Variants in PTPN13 observed in about 807,000 individuals in gnomAD.
PTPN13 encodes tyrosine-protein phosphatase non-receptor type 13.
Under a neutral mutation model 284.0 loss-of-function variants are expected in PTPN13, and 191 were observed. That is an observed-to-expected ratio of 0.67 (90% CI 0.60 to 0.76). The LOEUF is 0.76. Ranked by LOEUF, PTPN13 falls within the 30% of genes least tolerant of loss-of-function variation. The pLI is 0.00. For synonymous variants in PTPN13, 986 were observed against 1,022.3 expected (o/e 0.96, Z 0.68); for missense variants, 2,797 against 2,939.9 (o/e 0.95, Z 1.12).
At chr4:86,635,110 G>A in intron 1 of PTPN13, 142 bp from the exon 2 acceptor site, 1 of 913,864 alleles carries the variant, frequency 1.1e-6, no homozygotes, top group East Asian at 2.8e-5. Context: ...GTGAGTTTAA[G>A]ATAACATTTA....
At chr4:86,683,712 C>G (rs1729146388) in intron 3 of PTPN13, among the ~76,000 whole-genome samples, 1 of 152,034 alleles carries the variant, frequency 6.6e-6, no homozygotes, top group Admixed American at 6.6e-5. Context: ...AATTTTATAA[C>G]CTAGTTTTAA....
At chr4:86,805,204 C>A in intron 43 of PTPN13, 75 bp from the exon 44 acceptor site, 1 of 927,876 alleles carries the variant, frequency 1.1e-6, no homozygotes, top group Non-Finnish European at 1.6e-6. Flanking sequence ...TTTGCCCCTA[C>A]ACATTTAAAG....
chr4:86,814,738 A>C lies in PTPN13; in HGVS notation c.*187A>C. 1 of 518,086 alleles carries C rather than the reference A, an allele frequency of 1.9e-6. No homozygotes were observed. The highest frequency in any genetic ancestry group is 3.5e-6 in the Non-Finnish European group (1 of 287,656). The allele number at this position is 518,086 out of a possible 1,614,324, so 32.1% of individuals were successfully genotyped here. ...ATGCTGTATTTTTACAGCTACTTTAACCTATGATAATTATTTACAAAATTT... is the reference window on the plus strand; with the variant it reads ...ATGCTGTATTTTTACAGCTACTTTACCCTATGATAATTATTTACAAAATTT... On this transcript the variant is annotated 3_prime_UTR_variant, in exon 48 of 48. Coordinates refer to ENST00000411767, the MANE Select transcript of PTPN13 (RefSeq NM_080683.3).
intron 7 of PTPN13, among the ~76,000 whole-genome samples, chr4:86,704,848 A>G (rs1173491264): frequency 6.6e-6 from 1 of 152,226 alleles, no homozygotes; most frequent in Non-Finnish European, 1.5e-5. Context: ...TTATTATGGA[A>G]ATACACTACC....
chr4:86,731,483 G>T (rs189202907), intron 10 of PTPN13, among the ~76,000 whole-genome samples: 2 of 152,192 alleles, frequency 1.3e-5, no homozygotes, highest in East Asian at 3.9e-4. Flanking sequence ...CATTGGCAGG[G>T]GTCAGAGACT....
At chr4:86,790,753 C>T (rs943432966) in intron 40 of PTPN13, among the ~76,000 whole-genome samples, 1 of 152,122 alleles carries the variant, frequency 6.6e-6, no homozygotes, top group African/African-American at 2.4e-5. Context: ...TAAAAGTAGA[C>T]AGGGGCCAGA....
At chr4:86,610,433 A>T (rs1765162180) in intron 1 of PTPN13, among the ~76,000 whole-genome samples, 1 of 152,328 alleles carries the variant, frequency 6.6e-6, no homozygotes, top group South Asian at 2.1e-4. Context: ...AGTTTGTTAG[A>T]ATATTATTAT....
chr4:86,662,321 A>G, intron 2 of PTPN13, among the ~76,000 whole-genome samples: 1 of 151,944 alleles, frequency 6.6e-6, no homozygotes, highest in Non-Finnish European at 1.5e-5. Context: ...TTATATTTTT[A>G]TTTCTTATTT....
chr4:86,726,389 A>C lies in PTPN13; in HGVS notation c.1608+3955A>C, dbSNP rs903995774. On this transcript the variant is annotated intron_variant, in intron 10 of 47. Transcript: ENST00000411767. ...TGGTAGTCTGATGGGGATGGTATTG[A>C]ATCTATAAATTACTTTGGGCAGTAT... 1.1e-4 allele frequency among the ~76,000 whole-genome samples: 17 copies of C among 149,268 alleles called. 1 individual carries two copies. The highest frequency in any genetic ancestry group is 6.0e-5 in the Non-Finnish European group (4 of 66,574).
intron 40 of PTPN13, among the ~76,000 whole-genome samples, chr4:86,794,039 C>A (rs376392485): frequency 2.6e-5 from 4 of 152,054 alleles, no homozygotes; most frequent in Non-Finnish European, 5.9e-5. Flanking sequence ...AAAAACCATT[C>A]AAAAAATCAG....
At chr4:86,786,615 A>G (rs1157231264) in intron 40 of PTPN13, among the ~76,000 whole-genome samples, 3 of 152,178 alleles carry the variant, frequency 2.0e-5, no homozygotes, top group Non-Finnish European at 4.4e-5. Context: ...TTTTCTTAAG[A>G]TGCTCTTTCA....
chr4:86,702,374 A>T (rs542976336), intron 7 of PTPN13, among the ~76,000 whole-genome samples: 1 of 152,316 alleles, frequency 6.6e-6, no homozygotes, highest in East Asian at 1.9e-4. Context: ...TTTTAGGTTT[A>T]CAGAGTCAGC....
At chr4:86,794,318 T>C (rs971785998) in intron 40 of PTPN13, among the ~76,000 whole-genome samples, 1 of 151,828 alleles carries the variant, frequency 6.6e-6, no homozygotes, top group Non-Finnish European at 1.5e-5. Context: ...GAAAATAAAA[T>C]ACCTAGGAAT....
chr4:86,727,847 CT>C (rs1734460671), intron 10 of PTPN13, among the ~76,000 whole-genome samples: 1 of 148,902 alleles, frequency 6.7e-6, no homozygotes, highest in Admixed American at 6.7e-5. Flanking sequence ...TATTTCTTGC[CT>C]TTTGCTAGCT....
At chr4:86,683,647 G>A (rs892872983) in intron 3 of PTPN13, among the ~76,000 whole-genome samples, 1 of 152,166 alleles carries the variant, frequency 6.6e-6, no homozygotes, top group African/African-American at 2.4e-5. Flanking sequence ...GTCCAATCAA[G>A]TTGACACATA....
chr4:86,800,769 T>C (rs1334506763), intron 42 of PTPN13, among the ~76,000 whole-genome samples: 1 of 152,112 alleles, frequency 6.6e-6, no homozygotes, highest in Non-Finnish European at 1.5e-5. Flanking sequence ...ATTAACACTT[T>C]CTTCACTTGG....
chr4:86,801,254 G>A (rs1743999947), intron 42 of PTPN13, among the ~76,000 whole-genome samples: 1 of 152,314 alleles, frequency 6.6e-6, no homozygotes, highest in East Asian at 1.9e-4. Flanking sequence ...GGGATAACTG[G>A]CCCTGAGTGC....
At chr4:86,746,661 G>A (rs544153436) in intron 17 of PTPN13, among the ~76,000 whole-genome samples, 60 of 151,824 alleles carry the variant, frequency 4.0e-4, no homozygotes, top group African/African-American at 1.1e-3. Context: ...TATTTGATAC[G>A]GAGTTTCGCT....
Position 86,701,760 on chromosome 4 carries a change from A to C in PTPN13, c.1154A>C (p.Gln385Pro). 6.2e-7 allele frequency: 1 copy of C among 1,613,428 alleles called. No homozygotes were observed. The highest frequency in any genetic ancestry group is 1.3e-5 in the African/African-American group (1 of 75,008). The change falls in exon 7 of 48, where the codon CAA becomes CCA. Residue 385 changes from glutamine to proline, a missense_variant. Gln to Pro is a moderately conservative substitution (Grantham distance 76). Transcript: ENST00000411767. ...SSALDRIRERQKKLQVLREAM... is the reference protein window; with the variant it reads ...SSALDRIRERPKKLQVLREAM... ...GCTTTGGACCGAATCCGAGAGAGAC[A>C]AAAGAAACTTCAGGTTCTGAGGGAA...
Sources: allele counts gnomAD v4.1 joint callset (sites outside exome capture counted in the v4.1 genomes callset), GRCh38; gene constraint gnomAD v4.1.1; transcripts MANE v1.5; gene names NCBI Gene and HGNC (gene_info 2026-07-23, HGNC 2026-07-21).